Variants in PIP5K1A observed in about 807,000 individuals in gnomAD.
The protein encoded by PIP5K1A is phosphatidylinositol 4-phosphate 5-kinase type-1 alpha.
In PIP5K1A, 46 loss-of-function variants were observed where a neutral mutation model predicts 72.9. That is an observed-to-expected ratio of 0.63 (90% CI 0.50 to 0.81). The LOEUF (loss-of-function observed/expected upper bound fraction) is 0.81. PIP5K1A is among the 30% of genes least tolerant of loss of function. PIP5K1A has a pLI of 0.00. For synonymous variants in PIP5K1A, 228 were observed against 255.1 expected, an observed-to-expected ratio of 0.89 and a Z score of 1.01; for missense variants, 458 against 706.1, an observed-to-expected ratio of 0.65 and a Z score of 3.98.
At chr1:151,210,531 T>A (rs1055941279) in intron 1 of PIP5K1A, among the ~76,000 whole-genome samples, 1 of 152,012 alleles carries the variant, frequency 6.6e-6, no homozygotes, top group Admixed American at 6.6e-5. Flanking sequence ...AGAGTTAGCA[T>A]TTTAATTCCA....
chr1:151,212,132 TTTACA>T (rs1486162487), intron 1 of PIP5K1A, among the ~76,000 whole-genome samples: 2 of 151,694 alleles, frequency 1.3e-5, no homozygotes, highest in Admixed American at 6.6e-5. Flanking sequence ...AAAGATTTTG[TTTACA>T]TTATCTCTTC....
At chr1:151,212,353 T>A (rs1024569985) in intron 1 of PIP5K1A, among the ~76,000 whole-genome samples, 7 of 152,320 alleles carry the variant, frequency 4.6e-5, no homozygotes, top group Admixed American at 4.6e-4. Context: ...CATTTTCTCC[T>A]TCCTCTCAAT....
chr1:151,238,528 G>C (rs932804217), intron 10 of PIP5K1A: 4 of 429,512 alleles, frequency 9.3e-6, no homozygotes, highest in African/African-American at 8.1e-5. Flanking sequence ...GAAGCACCAG[G>C]GTAGAATATG....
intron 1 of PIP5K1A, among the ~76,000 whole-genome samples, chr1:151,215,263 C>G (rs587730989): frequency 6.6e-6 from 1 of 151,884 alleles, no homozygotes; most frequent in South Asian, 2.1e-4. Context: ...GTCTCGAGCT[C>G]TCGACCTCAG....
In PIP5K1A at chr1:151,224,572, A is replaced by G. The variant is rs185348601; in HGVS notation, c.156+166A>G. On this transcript the variant is annotated intron_variant, in intron 3 of 15. Coordinates refer to ENST00000368888, the MANE Select transcript of PIP5K1A (RefSeq NM_001135638.2). ...ATATTCTTATTTAATCCTTCAAACAACTACAGTGAGGCAAATACTGTTATC... is the reference window on the plus strand; with the variant it reads ...ATATTCTTATTTAATCCTTCAAACAGCTACAGTGAGGCAAATACTGTTATC... 4.4e-3 allele frequency among the ~76,000 whole-genome samples: 672 copies of G among 152,308 alleles called. 6 individuals carry two copies. The highest frequency in any genetic ancestry group is 0.014 in the Middle Eastern group (4 of 294).
intron 1 of PIP5K1A, among the ~76,000 whole-genome samples, chr1:151,219,851 CTTTTTT>C (rs71237867): frequency 1.0e-5 from 1 of 98,700 alleles, no homozygotes; most frequent in Non-Finnish European, 1.9e-5. Flanking sequence ...ATATTCTTTC[CTTTTTT>C]TTTTTTTTTT....
At chr1:151,213,149 A>G (rs1687093498) in intron 1 of PIP5K1A, among the ~76,000 whole-genome samples, 1 of 152,130 alleles carries the variant, frequency 6.6e-6, no homozygotes, top group Admixed American at 6.6e-5. Context: ...TTGGCCTCCC[A>G]AAGTGCTGGG....
Position 151,247,852 on chromosome 1 carries a change from T to C in PIP5K1A, c.1687-11T>C. On this transcript the variant is annotated splice_polypyrimidine_tract_variant and intron_variant, in intron 15 of 15. Transcript: ENST00000368888. The stretch of plus-strand genomic sequence containing the variant: ...ACTCCACATCCTTAACTTTACACTC[T>C]CCCTTTTCAGTAAGCGCAAAGCCTC... 6.2e-7 allele frequency: 1 copy of C among 1,606,952 alleles called. No homozygotes were observed. The highest frequency in any genetic ancestry group is 8.5e-7 in the Non-Finnish European group (1 of 1,174,308).
intron 1 of PIP5K1A, among the ~76,000 whole-genome samples, chr1:151,216,735 AT>A (rs1349719189): frequency 6.6e-6 from 1 of 152,112 alleles, no homozygotes; most frequent in Admixed American, 6.6e-5. Context: ...TTTATTGTAG[AT>A]TAAGTAGAGC....
Position 151,198,745 on chromosome 1 carries a change from TCC to T in PIP5K1A, c.-249_-248del. 7 of 570,576 alleles carry T rather than the reference TCC, an allele frequency of 1.2e-5. No homozygotes were observed. In the South Asian group the frequency reaches 1.5e-4, roughly 12 times the overall value. 35.3% of individuals were successfully genotyped at this position (570,576 alleles called of 1,614,324 possible). A position where few individuals can be genotyped will look rare whatever the true frequency, so the allele number is the denominator to read the frequency against. ...TACTCTTCTGTGAAAGGGGAAAGTA[TCC>T]CCTGTGGAAAGCGGTTAAACTTGTG... On this transcript the variant is annotated 5_prime_UTR_variant, in exon 1 of 16. Coordinates refer to ENST00000368888, the MANE Select transcript of PIP5K1A (RefSeq NM_001135638.2).
chr1:151,234,672 G>A (rs1690602145), intron 8 of PIP5K1A, among the ~76,000 whole-genome samples, 176 bp downstream of exon 8: 1 of 151,974 alleles, frequency 6.6e-6, no homozygotes, highest in South Asian at 2.1e-4. Context: ...CTTTCTCCCC[G>A]TTTATCCTCC....
Position 151,227,310 on chromosome 1 carries a change from C to A in PIP5K1A, c.157-10C>A, listed in dbSNP as rs775594797. 1 of 1,586,612 alleles carries A rather than the reference C, an allele frequency of 6.3e-7. No individual in the cohort carries two copies. The highest frequency in any genetic ancestry group is 1.7e-5 in the Admixed American group (1 of 59,858). On this transcript the variant is annotated splice_polypyrimidine_tract_variant and intron_variant, in intron 3 of 15. Transcript: ENST00000368888. ...TGGGAATTGTATTATAATCTTGACT[C>A]TTCTTCTAGGTGCCTTATGCCTCTG...
intron 4 of PIP5K1A, 116 bp from the exon 5 acceptor site, chr1:151,231,555 C>T: frequency 1.2e-6 from 1 of 859,710 alleles, no homozygotes; most frequent in East Asian, 2.6e-5. Flanking sequence ...TGAACTATTG[C>T]TCAGACTAAA....
chr1:151,227,276 TG>T, intron 3 of PIP5K1A, 43 bp from the exon 4 acceptor site: 1 of 1,124,386 alleles, frequency 8.9e-7, no homozygotes, highest in Non-Finnish European at 1.4e-6. Flanking sequence ...AGCTATTTGG[TG>T]TCTTACATGG....
At chr1:151,241,812 A>C (rs1002142452) in intron 12 of PIP5K1A, among the ~76,000 whole-genome samples, 1 of 152,106 alleles carries the variant, frequency 6.6e-6, no homozygotes, top group Non-Finnish European at 1.5e-5. Context: ...AAAAAAAAAA[A>C]AAAAAGGAAT....
intron 1 of PIP5K1A, among the ~76,000 whole-genome samples, chr1:151,202,784 T>C (rs1359766936): frequency 6.6e-6 from 1 of 150,856 alleles, no homozygotes; most frequent in South Asian, 2.1e-4. Flanking sequence ...AGTCTTTTTT[T>C]TTTTTTGAGA....
intron 1 of PIP5K1A, among the ~76,000 whole-genome samples, chr1:151,211,728 C>A (rs1056951712): frequency 6.6e-6 from 1 of 151,604 alleles, no homozygotes; most frequent in Non-Finnish European, 1.5e-5. Flanking sequence ...ATGGCATGAA[C>A]CCGGGAGGCG....
chr1:151,242,350 C>T (rs140652107), intron 13 of PIP5K1A, 81 bp downstream of exon 13: 1 of 1,599,570 alleles, frequency 6.3e-7, no homozygotes, highest in African/African-American at 1.3e-5. Context: ...TGGCCAGGAC[C>T]TCTGCTCCCA....
chr1:151,219,911 G>T lies in PIP5K1A; in HGVS notation c.86-4334G>T, dbSNP rs147887072. ...TCCCTATGTTGCTCGAGCTGGTCTC[G>T]AACTCCTGGGCTCAATTAATCTTCC... On this transcript the variant is annotated intron_variant, in intron 1 of 15. Coordinates refer to ENST00000368888, the MANE Select transcript of PIP5K1A (RefSeq NM_001135638.2). 4.6e-3 allele frequency among the ~76,000 whole-genome samples: 615 copies of T among 133,860 alleles called. 6 individuals carry two copies. Among genetic ancestry groups the T allele is most frequent in the African/African-American group, 0.017 (581 of 35,154 alleles). 87.8% of individuals were successfully genotyped at this position (133,860 alleles called of 152,430 possible). A position where few individuals can be genotyped will look rare whatever the true frequency, so the allele number is the denominator to read the frequency against.
Sources: allele counts gnomAD v4.1 joint callset (sites outside exome capture counted in the v4.1 genomes callset), GRCh38; gene constraint gnomAD v4.1.1; transcripts MANE v1.5; gene names NCBI Gene and HGNC (gene_info 2026-07-23, HGNC 2026-07-21).